The following SLC44A1 variants were observed in gnomAD, a reference collection of about 807,000 sequenced individuals.
SLC44A1 encodes solute carrier family 44 member 1.
Under a neutral mutation model 79.3 loss-of-function variants are expected in SLC44A1, and 26 were observed. The observed-to-expected ratio is 0.33, with a 90% CI of 0.24 to 0.46. The LOEUF (loss-of-function observed/expected upper bound fraction) is 0.46. Ranked by LOEUF, SLC44A1 falls within the 20% of genes least tolerant of loss-of-function variation. The pLI is 1.00. For synonymous variants in SLC44A1, 263 were observed against 286.2 expected, an observed-to-expected ratio of 0.92 and a Z score of 0.82; for missense variants, 688 against 798.1, an observed-to-expected ratio of 0.86 and a Z score of 1.66.
chr9:105,369,461 A>T lies in SLC44A1; in HGVS notation c.1494+3032A>T, dbSNP rs892202785. On this transcript the variant is annotated intron_variant, in intron 12 of 15. Coordinates refer to ENST00000374720, the MANE Select transcript of SLC44A1 (RefSeq NM_080546.5). ...CATTCATGAGAGTAGAGCCCTCATG[A>T]CCTAATCACCTCCTGAAGACCCTAC... Among the ~76,000 whole-genome samples the T allele has an allele frequency of 7.2e-5, 11 of 152,170 alleles. No individual in the cohort carries two copies. The South Asian group carries it at 2.3e-3, about 32-fold the overall frequency.
intron 15 of SLC44A1, among the ~76,000 whole-genome samples, chr9:105,406,751 A>T (rs1229147926): frequency 1.3e-5 from 2 of 152,166 alleles, no homozygotes; most frequent in South Asian, 2.1e-4. Context: ...CTTTAAAAAA[A>T]ATTTTTTTAA....
intron 15 of SLC44A1, 43 bp from the exon 16 acceptor site, chr9:105,388,989 TG>T: frequency 6.9e-7 from 1 of 1,447,734 alleles, no homozygotes; most frequent in Non-Finnish European, 9.7e-7. Flanking sequence ...CTCCTTTTAA[TG>T]GTAATTGTCT....
rs908812999 is a variant in SLC44A1, at chr9:105,296,021, G to C, written c.37-3199G>C. Among the ~76,000 whole-genome samples, 3 of 152,180 alleles carry C rather than the reference G, an allele frequency of 2.0e-5. No individual in the cohort carries two copies. The South Asian group carries it at 6.2e-4, about 32-fold the overall frequency. ...AATTTTAGTACGTATAAGGGAAAAA[G>C]AGTTTAATATTCTTTATATCCTTTT... On this transcript the variant is annotated intron_variant, in intron 1 of 15. Transcript: ENST00000374720.
intron 12 of SLC44A1, among the ~76,000 whole-genome samples, chr9:105,371,641 C>T (rs1446639625): frequency 6.6e-6 from 1 of 150,654 alleles, no homozygotes; most frequent in African/African-American, 2.5e-5. Flanking sequence ...ATGGTGTGAA[C>T]CCGGGAGGCA....
intron 5 of SLC44A1, among the ~76,000 whole-genome samples, chr9:105,354,691 G>C (rs986935433): frequency 1.4e-4 from 21 of 152,188 alleles, no homozygotes; most frequent in African/African-American, 4.8e-4. Flanking sequence ...GGCAAGGCTA[G>C]ATCTTTAAAA....
chr9:105,375,374 A>C (rs950981657), intron 13 of SLC44A1, among the ~76,000 whole-genome samples: 2 of 152,192 alleles, frequency 1.3e-5, no homozygotes, highest in African/African-American at 4.8e-5. Flanking sequence ...AGAATTAGGA[A>C]ATAGTCTTCC....
intron 1 of SLC44A1, among the ~76,000 whole-genome samples, chr9:105,286,114 T>C (rs1830470840): frequency 1.3e-5 from 2 of 152,288 alleles, no homozygotes; most frequent in South Asian, 4.1e-4. Flanking sequence ...AAAAATTTTT[T>C]ATTTTAGATA....
chr9:105,394,666 TC>T lies in SLC44A1; in HGVS notation c.*5611del. On this transcript the variant is annotated 3_prime_UTR_variant, in exon 16 of 16. Coordinates refer to ENST00000374720, the MANE Select transcript of SLC44A1 (RefSeq NM_080546.5). Reference sequence around the variant, plus strand: ...ATACTACTGTCTTAAAATATATTTGTCAACATGTCCAGTTCCAACAACAGTT... The same window carrying T: ...ATACTACTGTCTTAAAATATATTTGTAACATGTCCAGTTCCAACAACAGTT... 1.0e-6 allele frequency: 1 copy of T among 985,378 alleles called. No individual in the cohort carries two copies. Among genetic ancestry groups the T allele is most frequent in the Non-Finnish European group, 1.2e-6 (1 of 829,890 alleles). 61.0% of individuals were successfully genotyped at this position (985,378 alleles called of 1,614,324 possible).
intron 3 of SLC44A1, among the ~76,000 whole-genome samples, chr9:105,311,492 T>C (rs970937605): frequency 1.9e-4 from 29 of 152,178 alleles, no homozygotes; most frequent in African/African-American, 7.0e-4. Flanking sequence ...AATGCTACTC[T>C]TCATGTTTAA....
At chr9:105,411,851 CTG>C (rs1829099259) in intron 15 of SLC44A1, among the ~76,000 whole-genome samples, 1 of 152,170 alleles carries the variant, frequency 6.6e-6, no homozygotes, top group Admixed American at 6.5e-5. Context: ...TGTCCCATTA[CTG>C]TGTGCTAACT....
intron 15 of SLC44A1, among the ~76,000 whole-genome samples, chr9:105,404,233 CAAAAAA>C (rs71489339): frequency 6.7e-5 from 3 of 44,446 alleles, no homozygotes; most frequent in African/African-American, 1.3e-4. Flanking sequence ...GGACTCATCT[CAAAAAA>C]AAAAAAAAAA....
intron 4 of SLC44A1, among the ~76,000 whole-genome samples, chr9:105,336,492 T>C (rs995515859): frequency 2.6e-5 from 4 of 152,130 alleles, no homozygotes; most frequent in African/African-American, 7.2e-5. Flanking sequence ...CAGAGAATCG[T>C]TTTTTTAACC....
At chr9:105,317,149 G>A (rs192595578) in intron 3 of SLC44A1, among the ~76,000 whole-genome samples, 1 of 152,108 alleles carries the variant, frequency 6.6e-6, no homozygotes, top group Non-Finnish European at 1.5e-5. Flanking sequence ...GCTTCTGGAG[G>A]TAACATATAT....
At chr9:105,296,840 T>C (rs1830735699) in intron 1 of SLC44A1, among the ~76,000 whole-genome samples, 1 of 152,216 alleles carries the variant, frequency 6.6e-6, no homozygotes, top group African/African-American at 2.4e-5. Context: ...TTTGCAGTTT[T>C]TCCTAGTCAT....
downstream of SLC44A1, among the ~76,000 whole-genome samples, chr9:105,400,631 A>C (rs1011179287): frequency 2.6e-5 from 4 of 152,202 alleles, no homozygotes; most frequent in African/African-American, 9.7e-5. Context: ...AGACACCAAT[A>C]ATGTAACCTC....
chr9:105,306,516 G>GT (rs1831036201), intron 2 of SLC44A1, among the ~76,000 whole-genome samples: 1 of 151,894 alleles, frequency 6.6e-6, no homozygotes, highest in Admixed American at 6.6e-5. Flanking sequence ...GATAGTCATG[G>GT]TTTTTTCCCA....
At chr9:105,334,665 T>C (rs1826855849) in intron 3 of SLC44A1, among the ~76,000 whole-genome samples, 1 of 152,246 alleles carries the variant, frequency 6.6e-6, no homozygotes, top group African/African-American at 2.4e-5. Flanking sequence ...ACTTAGCTTA[T>C]CTCAATTGAG....
At position 105,425,845 on chromosome 9, in the gene SLC44A1, A is replaced by C. The variant is rs1588880223; in HGVS notation, c.1951-12436A>C. 4.6e-5 allele frequency among the ~76,000 whole-genome samples: 7 copies of C among 151,982 alleles called. No individual in the cohort carries two copies. The South Asian group carries it at 1.5e-3, about 32-fold the overall frequency. ...CAAAAAACAAACAAACAAACAAAAA[A>C]CCCTGTATATTTGGGAGCCTTGAGG... On this transcript the variant is annotated intron_variant, in intron 15 of 15. Transcript: ENST00000374724.
Position 105,348,387 on chromosome 9 carries a change from C to A in SLC44A1, c.436C>A (p.Pro146Thr). The change falls in exon 5 of 16, where the codon CCT (proline) becomes ACT (threonine). Residue 146 changes from proline (P) to threonine (T), a missense_variant. Physicochemically the swap from Pro to Thr is conservative, Grantham distance 38. Transcript: ENST00000374720. ...AGCCCTATGTAGCTACAACCTAAAG[C>A]CTTCTGAATACACTACATCTCCAAA... ...GSALCSYNLK[P>T]SEYTTSPKSS... The A allele has an allele frequency of 6.2e-7, 1 of 1,611,032 alleles. No homozygotes were observed. Among genetic ancestry groups the A allele is most frequent in the Non-Finnish European group, 8.5e-7 (1 of 1,177,576 alleles).
Sources: gnomAD v4.1 joint callset for allele counts (sites outside exome capture counted in the v4.1 genomes callset) on GRCh38, gnomAD v4.1.1 for gene constraint, MANE v1.5 for transcripts, NCBI Gene and HGNC (gene_info 2026-07-23, HGNC 2026-07-21) for gene names.